CCDC88A: variants seen among roughly 807,000 people sequenced by gnomAD.
The protein encoded by CCDC88A is girdin.
CCDC88A carries 54 observed loss-of-function variants against 234.3 expected under a neutral mutation model. That is an observed-to-expected ratio of 0.23 (90% CI 0.19 to 0.29). CCDC88A has a LOEUF of 0.29. Among genes scored for constraint, CCDC88A ranks in the 10% least tolerant of loss-of-function variants. The probability of loss-of-function intolerance (pLI) is 1.00; values close to 1 mark genes in which losing one functional copy is unlikely to be tolerated. For missense variants in CCDC88A, 1,832 were observed against 2,123.4 expected (o/e 0.86, Z 2.70); for synonymous variants, 753 against 737.8 (o/e 1.02, Z -0.33).
At chr2:55,380,985 A>G (rs953135504) in intron 3 of CCDC88A, among the ~76,000 whole-genome samples, 1 of 152,204 alleles carries the variant, frequency 6.6e-6, no homozygotes, top group African/African-American at 2.4e-5. Context: ...GTGTAATGAC[A>G]TTTTTGGTCA....
At chr2:55,293,801 T>A (rs2104543479) in intron 31 of CCDC88A, 1 of 152,268 alleles carries the variant, frequency 6.6e-6, no homozygotes, top group East Asian at 1.9e-4. Context: ...GGTTTTTTTG[T>A]TTTTAGCAAT....
At chr2:55,398,433 C>T (rs934970692) in intron 2 of CCDC88A, among the ~76,000 whole-genome samples, 2 of 152,160 alleles carry the variant, frequency 1.3e-5, no homozygotes, top group African/African-American at 2.4e-5. Context: ...TAAGCACTCT[C>T]GGCATGGATC....
intron 3 of CCDC88A, among the ~76,000 whole-genome samples, chr2:55,381,056 C>A (rs1163679898): frequency 6.6e-6 from 1 of 152,074 alleles, no homozygotes; most frequent in African/African-American, 2.4e-5. Flanking sequence ...TTTTACTATA[C>A]CTTCTCTATG....
At chr2:55,383,622 TAAA>T (rs113191820) in intron 3 of CCDC88A, among the ~76,000 whole-genome samples, 11 of 137,294 alleles carry the variant, frequency 8.0e-5, no homozygotes, top group Admixed American at 7.4e-5. Context: ...GACTCCGTCT[TAAA>T]AAAAAAAAAA....
At chr2:55,401,466 A>G (rs1219258153) in intron 2 of CCDC88A, among the ~76,000 whole-genome samples, 257 of 6,288 alleles carry the variant, frequency 0.041, 61 homozygotes, top group African/African-American at 0.14. Flanking sequence ...ATATATATAT[A>G]CATATGTGTG....
Position 55,335,209 on chromosome 2 carries a change from C to A in CCDC88A, c.1657-45G>T, listed in dbSNP as rs756914293. On this transcript the variant is annotated intron_variant, in intron 14 of 32. Coordinates refer to ENST00000436346, the MANE Select transcript of CCDC88A (RefSeq NM_001365480.1). This position sits in a 1 kb window ranked among gnomAD's most constrained non-coding sequence, Gnocchi z 4.5. Reference sequence around the variant, plus strand: ...ATTAAAAGCTGTAATTGAGGAAAAACTAACTATGGTTTATCTCTTCCAAAA... The same window carrying A: ...ATTAAAAGCTGTAATTGAGGAAAAAATAACTATGGTTTATCTCTTCCAAAA... The A allele has an allele frequency of 1.2e-5, 15 of 1,239,804 alleles. No homozygotes were observed. Among genetic ancestry groups the A allele is most frequent in the Non-Finnish European group, 1.5e-5 (14 of 916,536 alleles). The allele number at this position is 1,239,804 out of a possible 1,614,324, so 76.8% of individuals were successfully genotyped here.
At chr2:55,308,787 T>C (rs1681964573) in intron 25 of CCDC88A, 22 bp downstream of exon 25, 3 of 1,573,508 alleles carry the variant, frequency 1.9e-6, no homozygotes, top group Non-Finnish European at 2.6e-6. Context: ...CAATACGATG[T>C]TTAAAGAGTT....
At chr2:55,343,851 C>T in intron 11 of CCDC88A, 59 bp from the exon 12 acceptor site, 2 of 1,316,494 alleles carry the variant, frequency 1.5e-6, no homozygotes, top group South Asian at 1.6e-5. Flanking sequence ...CAATTTTGAG[C>T]AAATACTTTA....
chr2:55,346,293 T>C lies in CCDC88A; in HGVS notation c.923A>G (p.Tyr308Cys). 6.2e-7 allele frequency: 1 copy of C among 1,608,642 alleles called. No homozygotes were observed. Among genetic ancestry groups the C allele is most frequent in the Non-Finnish European group, 8.5e-7 (1 of 1,176,624 alleles). The change falls in exon 10 of 33, where the codon TAC (tyrosine) becomes TGC (cysteine). Residue 308 changes from tyrosine (Y) to cysteine (C), a missense_variant. By Grantham distance (194) the Tyr-to-Cys change is radical. Coordinates refer to ENST00000436346, the MANE Select transcript of CCDC88A (RefSeq NM_001365480.1). ...LLSDARSARM[Y>C]RDELDALREK... The stretch of plus-strand genomic sequence containing the variant: ...TCGAAGTGCATCTAATTCATCTCGG[T>C]ACATTCTGGCAGAGCGAGCATCCGA...
rs763151792 is a variant in CCDC88A at position 55,301,895 on chromosome 2, G to A, written c.4649C>T (p.Ser1550Phe). ...STVNSSAGFRSKQLVNNKDTT... is the reference protein window; with the variant it reads ...STVNSSAGFRFKQLVNNKDTT... ...ACCTTTATTATTAACCAACTGCTTGGATCTGAAGCCTGCAGAAGAGTTGAC... is the reference window on the plus strand; with the variant it reads ...ACCTTTATTATTAACCAACTGCTTGAATCTGAAGCCTGCAGAAGAGTTGAC... The change falls in exon 27 of 33, where the codon TCC becomes TTC. Residue 1550 changes from serine (S) to phenylalanine (F), a missense_variant. Transcript: ENST00000436346. 2 of 1,614,102 alleles carry A rather than the reference G, an allele frequency of 1.2e-6. No homozygotes were observed. The highest frequency in any genetic ancestry group is 1.7e-6 in the Non-Finnish European group (2 of 1,179,998).
chr2:55,374,823 G>A lies in CCDC88A; in HGVS notation c.334C>T (p.Pro112Ser). 6.2e-7 allele frequency: 1 copy of A among 1,600,186 alleles called. No individual in the cohort carries two copies. The highest frequency in any genetic ancestry group is 2.2e-5 in the East Asian group (1 of 44,634). The change falls in exon 4 of 33, where the codon CCC becomes TCC. Residue 112 changes from proline (P) to serine (S), a missense_variant. By Grantham distance (74) the Pro-to-Ser change is moderately conservative (BLOSUM62 -1). Transcript: ENST00000436346. ...LPNVLIIGKN[P>S]FSEQGTEEVK... ...TAATTTTAATACTTACCAGAAAAGG[G>A]ATTTTTGCCAATGATTAAGACATTT...
intron 13 of CCDC88A, 37 bp downstream of exon 13, chr2:55,339,424 GTTT>G: frequency 7.3e-7 from 1 of 1,379,088 alleles, no homozygotes; most frequent in South Asian, 1.4e-5. Flanking sequence ...ACTTTTACAA[GTTT>G]TTTTAACATT....
chr2:55,307,248 A>C (rs1487789747), intron 25 of CCDC88A, among the ~76,000 whole-genome samples: 1 of 152,216 alleles, frequency 6.6e-6, no homozygotes, highest in Non-Finnish European at 1.5e-5. Context: ...GCATACTAGT[A>C]ATGAAATTAA....
At chr2:55,380,667 G>A (rs1053063497) in intron 3 of CCDC88A, among the ~76,000 whole-genome samples, 1 of 152,120 alleles carries the variant, frequency 6.6e-6, no homozygotes, top group Non-Finnish European at 1.5e-5. Flanking sequence ...CCAGGCCAGA[G>A]TGCAGCAGCA....
intron 2 of CCDC88A, among the ~76,000 whole-genome samples, chr2:55,397,705 A>T (rs1434388370): frequency 1.3e-5 from 2 of 152,102 alleles, no homozygotes; most frequent in African/African-American, 2.4e-5. Context: ...AAAAGTGTTA[A>T]TGCTTCTTCT....
chr2:55,369,170 G>A (rs887376463), intron 5 of CCDC88A, among the ~76,000 whole-genome samples: 1 of 152,014 alleles, frequency 6.6e-6, no homozygotes, highest in African/African-American at 2.4e-5. Context: ...GAGTAGCTGG[G>A]ATTACAGATG....
rs759347010 is a variant in CCDC88A at position 55,364,295 on chromosome 2, G to C, written c.403-262C>G. The C allele has an allele frequency of 1.2e-5, 3 of 254,112 alleles. No individual in the cohort carries two copies. In the East Asian group the frequency reaches 2.6e-4, roughly 22 times the overall value. The allele number at this position is 254,112 out of a possible 1,614,324, so 15.7% of individuals were successfully genotyped here. On this transcript the variant is annotated intron_variant, in intron 5 of 32. Transcript: ENST00000436346. ...GAAACCATTACACAACCCATCTGAG[G>C]TTAGCACAATATTATTATGCTAACT... is the stretch of plus-strand genomic sequence containing the variant.
At chr2:55,316,648 T>C (rs962283754) in intron 21 of CCDC88A, among the ~76,000 whole-genome samples, 3 of 152,168 alleles carry the variant, frequency 2.0e-5, no homozygotes, top group Non-Finnish European at 2.9e-5. Flanking sequence ...GGTGGAAGGA[T>C]TGCTTAAGCA....
intron 2 of CCDC88A, among the ~76,000 whole-genome samples, chr2:55,409,913 G>A (rs887892437): frequency 6.6e-6 from 1 of 151,708 alleles, no homozygotes; most frequent in Non-Finnish European, 1.5e-5. Context: ...GCTAATTTTT[G>A]TATTTTTATT....
Sources: gnomAD v4.1 joint callset for allele counts (sites outside exome capture counted in the v4.1 genomes callset) on GRCh38, gnomAD v4.1.1 for gene constraint, Gnocchi (gnomAD v3.1) non-coding constraint, MANE v1.5 for transcripts, NCBI Gene and HGNC (gene_info 2026-07-23, HGNC 2026-07-21) for gene names.